The following CFDP1 variants were observed in gnomAD, a reference collection of about 807,000 sequenced individuals.
CFDP1 encodes chromatin remodeling protein CFDP1.
In CFDP1, 31 loss-of-function variants were observed where a neutral mutation model predicts 40.1. That is an observed-to-expected ratio of 0.77 (90% CI 0.58 to 1.04). CFDP1 has a LOEUF of 1.04. Ranked by LOEUF, CFDP1 falls within the 50% of genes least tolerant of loss-of-function variation. The pLI, the probability that CFDP1 is intolerant of heterozygous loss-of-function variation, is 0.00. For missense variants in CFDP1, 423 were observed against 343.4 expected (o/e 1.23, Z -1.83); for synonymous variants, 167 against 120.0 (o/e 1.39, Z -2.56).
At chr16:75,309,829 A>ACAAC (rs2078284136) in intron 5 of CFDP1, among the ~76,000 whole-genome samples, 1 of 150,160 alleles carries the variant, frequency 6.7e-6, no homozygotes, top group Non-Finnish European at 1.5e-5. Context: ...CAAAAAAAAA[A>ACAAC]AAAAAAAAAA....
At chr16:75,314,723 A>T (rs1224209819) in intron 5 of CFDP1, among the ~76,000 whole-genome samples, 1 of 152,198 alleles carries the variant, frequency 6.6e-6, no homozygotes, top group Middle Eastern at 3.2e-3. Context: ...ATTCAGAAAA[A>T]TAAAAGGAAA....
chr16:75,432,101 G>A (rs1438035687), intron 1 of CFDP1, among the ~76,000 whole-genome samples: 1 of 150,886 alleles, frequency 6.6e-6, no homozygotes, highest in Non-Finnish European at 1.5e-5. Flanking sequence ...TAGTACAGAC[G>A]GGGTTTTACC....
At chr16:75,324,275 A>T (rs1044484267) in intron 5 of CFDP1, among the ~76,000 whole-genome samples, 6 of 152,072 alleles carry the variant, frequency 3.9e-5, no homozygotes, top group Non-Finnish European at 7.4e-5. Flanking sequence ...TGCCAGGGGG[A>T]CGAGCTGGGA....
chr16:75,395,781 C>T (rs2078991372), intron 4 of CFDP1, among the ~76,000 whole-genome samples: 1 of 152,172 alleles, frequency 6.6e-6, no homozygotes, highest in Non-Finnish European at 1.5e-5. Context: ...CTAAAACTGG[C>T]TAAATTAGCA....
intron 1 of CFDP1, among the ~76,000 whole-genome samples, chr16:75,415,230 A>C (rs1346464715): frequency 6.6e-6 from 1 of 152,234 alleles, no homozygotes; most frequent in Non-Finnish European, 1.5e-5. Context: ...TCCCATTGTC[A>C]GACACTGACA....
chr16:75,345,710 G>T lies in CFDP1; in HGVS notation c.651-40528C>A. Among the ~76,000 whole-genome samples, 2 of 152,126 alleles carry T rather than the reference G, an allele frequency of 1.3e-5. 1 individual carries two copies. Among genetic ancestry groups the T allele is most frequent in the Middle Eastern group, 6.3e-3 (2 of 316 alleles). On this transcript the variant is annotated intron_variant, in intron 5 of 6. Transcript: ENST00000283882. ...TGGTAATAAGAGATCAAGATCATAT[G>T]TTTTTTTCATGCCATGAGTTGTTAA...
chr16:75,342,868 G>T (rs1437474740), intron 5 of CFDP1, among the ~76,000 whole-genome samples: 1 of 152,118 alleles, frequency 6.6e-6, no homozygotes, highest in African/African-American at 2.4e-5. Flanking sequence ...GTGGGTAAAG[G>T]CTAGGGATGC....
At chr16:75,404,347 T>G (rs958087178) in intron 4 of CFDP1, among the ~76,000 whole-genome samples, 3 of 150,540 alleles carry the variant, frequency 2.0e-5, no homozygotes, top group Non-Finnish European at 4.4e-5. Flanking sequence ...GCCATTGTCC[T>G]GCCTCAGCCT....
Position 75,433,422 on chromosome 16 carries a change from G to A in CFDP1, c.-70C>T, listed in dbSNP as rs2079451579. ...CCGCCTCCAACGGCAAAGCTCTAGG[G>A]AGAGACCATAGAGCCCCGGCGGCGG... On this transcript the variant is annotated 5_prime_UTR_variant, in exon 1 of 7. Transcript: ENST00000283882. 22 of 1,484,924 alleles carry A rather than the reference G, an allele frequency of 1.5e-5. No individual in the cohort carries two copies. The highest frequency in any genetic ancestry group is 9.8e-5 in the East Asian group (4 of 40,850). The allele number at this position is 1,484,924 out of a possible 1,614,324, so 92.0% of individuals were successfully genotyped here. A position where few individuals can be genotyped will look rare whatever the true frequency, so the allele number is the denominator to read the frequency against.
intron 5 of CFDP1, among the ~76,000 whole-genome samples, chr16:75,372,808 T>C (rs2078763817): frequency 6.6e-6 from 1 of 152,180 alleles, no homozygotes; most frequent in Non-Finnish European, 1.5e-5. Context: ...CACAAATACA[T>C]ACCCTTTAAA....
Position 75,423,415 on chromosome 16 carries a change from C to T in CFDP1, c.65-8720G>A, listed in dbSNP as rs1013990215. Among the ~76,000 whole-genome samples the T allele has an allele frequency of 7.2e-5, 11 of 152,236 alleles. No individual in the cohort carries two copies. The East Asian group carries it at 2.1e-3, about 29-fold the overall frequency. On this transcript the variant is annotated intron_variant, in intron 1 of 6. Transcript: ENST00000283882. The stretch of plus-strand genomic sequence containing the variant: ...AGTGAGCTGATTGCGCCACTGCACT[C>T]CAGTCTGGGTAATCAAGCGATTCTC...
chr16:75,349,949 G>T (rs1414048268), intron 5 of CFDP1, among the ~76,000 whole-genome samples: 1 of 151,680 alleles, frequency 6.6e-6, no homozygotes, highest in Non-Finnish European at 1.5e-5. Flanking sequence ...AGACATACTT[G>T]TCTTTTTCCT....
At chr16:75,417,572 A>G (rs1330078783) in intron 1 of CFDP1, among the ~76,000 whole-genome samples, 1 of 152,248 alleles carries the variant, frequency 6.6e-6, no homozygotes, top group Non-Finnish European at 1.5e-5. Context: ...CGACACTAGA[A>G]GGATAAACAA....
At chr16:75,303,341 G>C (rs2078234115) in intron 6 of CFDP1, among the ~76,000 whole-genome samples, 1 of 151,970 alleles carries the variant, frequency 6.6e-6, no homozygotes, top group Non-Finnish European at 1.5e-5. Flanking sequence ...ACTCCAGCCT[G>C]GGTGACAGGG....
chr16:75,310,070 C>G (rs2078286130), intron 5 of CFDP1, among the ~76,000 whole-genome samples: 1 of 152,202 alleles, frequency 6.6e-6, no homozygotes, highest in Non-Finnish European at 1.5e-5. Context: ...CTGAGGCATT[C>G]TGGAATGTTA....
chr16:75,401,492 T>C (rs1264915625), intron 4 of CFDP1, among the ~76,000 whole-genome samples: 1 of 150,746 alleles, frequency 6.6e-6, no homozygotes, highest in Non-Finnish European at 1.5e-5. Context: ...CCCAGCTGCT[T>C]GGGAGACTGA....
chr16:75,384,147 G>T (rs576770685), intron 5 of CFDP1, among the ~76,000 whole-genome samples: 1 of 152,228 alleles, frequency 6.6e-6, no homozygotes, highest in South Asian at 2.1e-4. Context: ...CAGATCACCT[G>T]AGGTCAGGAG....
intron 5 of CFDP1, among the ~76,000 whole-genome samples, chr16:75,316,072 T>C (rs1054317174): frequency 1.3e-5 from 2 of 151,322 alleles, no homozygotes; most frequent in Admixed American, 6.6e-5. Context: ...GATTTATCTG[T>C]TTCCTATGAC....
intron 4 of CFDP1, 49 bp downstream of exon 4, chr16:75,411,776 C>T (rs761183708): frequency 1.1e-5 from 17 of 1,559,958 alleles, no homozygotes; most frequent in South Asian, 2.3e-5. Flanking sequence ...TAGAGAGAGA[C>T]GCTCATTTTT....
Sources: allele counts gnomAD v4.1 joint callset (sites outside exome capture counted in the v4.1 genomes callset), GRCh38; gene constraint gnomAD v4.1.1; transcripts MANE v1.5; gene names NCBI Gene and HGNC (gene_info 2026-07-23, HGNC 2026-07-21).